The following SLC44A5 variants were observed in gnomAD, a reference collection of about 807,000 sequenced individuals.
SLC44A5 encodes the protein choline transporter-like protein 5.
Under a neutral mutation model 101.8 loss-of-function variants are expected in SLC44A5, and 57 were observed. The ratio of observed to expected loss-of-function variants is 0.56; its 90% CI spans 0.45 to 0.70. The LOEUF is 0.70. SLC44A5 is among the 30% of genes least tolerant of loss of function. SLC44A5 has a pLI of 0.00. For missense variants in SLC44A5, 737 were observed against 853.1 expected (o/e 0.86, Z 1.70); for synonymous variants, 281 against 290.9 (o/e 0.97, Z 0.35).
chr1:75,655,890 T>A, the SLC44A5 span, among the ~76,000 whole-genome samples: 1 of 152,032 alleles, frequency 6.6e-6, no homozygotes, highest in Non-Finnish European at 1.5e-5. Context: ...AAGATATAAA[T>A]ATCCAGGTAT....
At chr1:75,460,160 G>A (rs1030441894) in intron 2 of SLC44A5, among the ~76,000 whole-genome samples, 1 of 152,164 alleles carries the variant, frequency 6.6e-6, no homozygotes, top group Non-Finnish European at 1.5e-5. Context: ...AATGAGCTCT[G>A]CTGTAGGAGC....
intron 2 of SLC44A5, among the ~76,000 whole-genome samples, chr1:75,512,227 T>C (rs914838054): frequency 2.6e-5 from 4 of 152,214 alleles, no homozygotes; most frequent in African/African-American, 4.8e-5. Flanking sequence ...AAGCAGATTT[T>C]CAACATCTAA....
chr1:75,218,317 G>A (rs1471342662), intron 17 of SLC44A5, among the ~76,000 whole-genome samples, 173 bp downstream of exon 17: 1 of 152,224 alleles, frequency 6.6e-6, no homozygotes, highest in Non-Finnish European at 1.5e-5. Flanking sequence ...GGCTTGGGTA[G>A]GGATTGTAAA....
At chr1:75,402,263 T>A (rs1208504663) in intron 2 of SLC44A5, 1 of 184,586 alleles carries the variant, frequency 5.4e-6, no homozygotes, top group Non-Finnish European at 1.2e-5. Flanking sequence ...GTACTGCCTC[T>A]CACTCACTAT....
chr1:75,423,756 G>T (rs1475997168), intron 2 of SLC44A5, among the ~76,000 whole-genome samples: 2 of 152,222 alleles, frequency 1.3e-5, no homozygotes, highest in Non-Finnish European at 2.9e-5. Context: ...GACACCATTA[G>T]ATGGCCTGGG....
chr1:75,286,517 T>G (rs1385230575), intron 5 of SLC44A5, among the ~76,000 whole-genome samples: 1 of 152,152 alleles, frequency 6.6e-6, no homozygotes, highest in Non-Finnish European at 1.5e-5. Context: ...ATCATGATAG[T>G]TGTTGCCTAA....
chr1:75,641,621 C>T, the SLC44A5 span: 111,120 of 1,495,350 alleles, frequency 0.074, 6,138 homozygotes, highest in East Asian at 0.27. Context: ...ATTTGGGTCA[C>T]GGTTCAAAAT....
chr1:75,612,094 A>G (rs1263214710), upstream of SLC44A5, among the ~76,000 whole-genome samples: 1 of 152,198 alleles, frequency 6.6e-6, no homozygotes, highest in Non-Finnish European at 1.5e-5. Context: ...GATGCTATCA[A>G]TATCTCAGCC....
chr1:75,218,586 G>A lies in SLC44A5; in HGVS notation c.1433C>T (p.Ala478Val). 6.2e-7 allele frequency: 1 copy of A among 1,613,854 alleles called. No individual in the cohort carries two copies. Among genetic ancestry groups the A allele is most frequent in the Non-Finnish European group, 8.5e-7 (1 of 1,179,812 alleles). ...ATAAGTAGCGAATGCACCAGCAAGG[G>A]CGCACTGACCTAATGCAATGACGAA... ...INFVIALGQC[A>V]LAGAFATYYW... Residue 478 changes from alanine to valine, a missense_variant, in exon 17 of 24, where the codon GCC becomes GTC. Ala to Val is a moderately conservative substitution (Grantham distance 64). Coordinates refer to ENST00000370859, the MANE Select transcript of SLC44A5 (RefSeq NM_001130058.2).
chr1:75,588,671 T>C (rs1237445035), intron 1 of SLC44A5, among the ~76,000 whole-genome samples: 1 of 152,160 alleles, frequency 6.6e-6, no homozygotes, highest in African/African-American at 2.4e-5. Context: ...GATAGAAAAC[T>C]GAATTGAGAT....
At chr1:75,305,871 A>G (rs1216210518) in intron 4 of SLC44A5, among the ~76,000 whole-genome samples, 1 of 152,198 alleles carries the variant, frequency 6.6e-6, no homozygotes, top group African/African-American at 2.4e-5. Context: ...GCTCTCTCTA[A>G]TCCCCGTAGA....
intron 3 of SLC44A5, among the ~76,000 whole-genome samples, chr1:75,360,229 A>G (rs970489393): frequency 2.0e-5 from 3 of 147,290 alleles, no homozygotes; most frequent in Non-Finnish European, 3.0e-5. Context: ...GGTTCATATC[A>G]AAAAAATCCA....
the SLC44A5 span, among the ~76,000 whole-genome samples, chr1:75,629,487 A>C: frequency 2.0e-5 from 3 of 152,174 alleles, no homozygotes; most frequent in Non-Finnish European, 4.4e-5. Flanking sequence ...CATTTACTAA[A>C]ATTTCAGAAG....
rs1675636515 is a variant in SLC44A5 at position 75,611,097 on chromosome 1, A to T, written c.-127T>A. The T allele has an allele frequency of 1.0e-6, 1 of 985,114 alleles. No homozygotes were observed. The highest frequency in any genetic ancestry group is 1.7e-5 in the African/African-American group (1 of 57,202). The allele number at this position is 985,114 out of a possible 1,614,324, so 61.0% of individuals were successfully genotyped here. ...CAACACTGAACCTTCTAACTCTAAC[A>T]TGCTACGATTCACTACTGTGAAAAA... On this transcript the variant is annotated 5_prime_UTR_variant, in exon 1 of 24. An upstream start codon of the reference 5' UTR is lost. Transcript: ENST00000370859.
chr1:75,499,240 G>A (rs184135154), intron 2 of SLC44A5, among the ~76,000 whole-genome samples: 20 of 152,308 alleles, frequency 1.3e-4, no homozygotes, highest in African/African-American at 3.6e-4. Flanking sequence ...GATGGGGGCC[G>A]GAAGGGAGTG....
At chr1:75,260,854 C>G (rs979358062) in intron 6 of SLC44A5, among the ~76,000 whole-genome samples, 3 of 152,128 alleles carry the variant, frequency 2.0e-5, no homozygotes, top group African/African-American at 4.8e-5. Flanking sequence ...CAAATTAGAA[C>G]TCAGGACTAA....
At chr1:75,533,704 T>G (rs180787872) in intron 2 of SLC44A5, among the ~76,000 whole-genome samples, 2 of 152,284 alleles carry the variant, frequency 1.3e-5, no homozygotes, top group East Asian at 3.9e-4. Flanking sequence ...GTAAAAACTC[T>G]TTGTCTTCCT....
At chr1:75,522,651 A>C (rs1163759541) in intron 2 of SLC44A5, among the ~76,000 whole-genome samples, 2 of 152,178 alleles carry the variant, frequency 1.3e-5, no homozygotes, top group African/African-American at 2.4e-5. Flanking sequence ...ATGGCTTAGA[A>C]CCTGTCCCCA....
intron 2 of SLC44A5, among the ~76,000 whole-genome samples, chr1:75,518,358 C>A (rs1368556930): frequency 2.0e-5 from 3 of 152,090 alleles, no homozygotes; most frequent in African/African-American, 4.8e-5. Flanking sequence ...TGAATAATTT[C>A]TTTAGAGAAA....
Sources: allele counts gnomAD v4.1 joint callset (sites outside exome capture counted in the v4.1 genomes callset), GRCh38; gene constraint gnomAD v4.1.1; transcripts MANE v1.5; gene names NCBI Gene and HGNC (gene_info 2026-07-23, HGNC 2026-07-21).